MAGEB10: variants seen among roughly 807,000 people sequenced by gnomAD.
MAGEB10 encodes MAGE family member B10.
For missense variants in MAGEB10, 190 were observed against 261.9 expected, an observed-to-expected ratio of 0.73 and a Z score of 1.89; for synonymous variants, 99 against 101.0, an observed-to-expected ratio of 0.98 and a Z score of 0.12.
intron 1 of MAGEB10, chrX:27,812,315 A>T (rs1569211773): frequency 6.1e-6 from 1 of 162,996 alleles, no homozygotes; most frequent in East Asian, 1.7e-4. Flanking sequence ...TCCAGACGTA[A>T]AAGAGCCTCT....
At chrX:27,809,340 G>A (rs1891281884) in intron 1 of MAGEB10, among the ~76,000 whole-genome samples, 1 of 98,537 alleles carries the variant, frequency 1.0e-5, no homozygotes, top group Non-Finnish European at 2.1e-5. Flanking sequence ...GTGGGGCAGG[G>A]CTCAGGACCT....
chrX:27,821,366 A>C lies in MAGEB10; in HGVS notation c.60A>C (p.Gly20=). ...RAREKRRQAR[G]GLEDLIDALD... ...GGGAAAAACGCCGTCAGGCCCGAGGAGGGCTGGAAGATTTGATAGATGCTC... is the reference window on the plus strand; with the variant it reads ...GGGAAAAACGCCGTCAGGCCCGAGGCGGGCTGGAAGATTTGATAGATGCTC... Residue 20 remains glycine (G), a synonymous_variant, in exon 3 of 3, where the codon GGA becomes GGC. Coordinates refer to ENST00000356790, the MANE Select transcript of MAGEB10 (RefSeq NM_182506.3). The C allele has an allele frequency of 8.3e-7, 1 of 1,211,582 alleles. No homozygotes were observed. Among genetic ancestry groups the C allele is most frequent in the Non-Finnish European group, 1.1e-6 (1 of 895,379 alleles).
chrX:27,809,700 C>T (rs1366973978), intron 1 of MAGEB10, among the ~76,000 whole-genome samples: 2 of 91,939 alleles, frequency 2.2e-5, no homozygotes, highest in African/African-American at 8.0e-5. Flanking sequence ...GACTGGCAGG[C>T]AGCTCCACCT....
chrX:27,821,510 A>G lies in MAGEB10; in HGVS notation c.204A>G (p.Gln68=), dbSNP rs762707944. The G allele has an allele frequency of 2.5e-6, 3 of 1,209,232 alleles. No individual in the cohort carries two copies. Among genetic ancestry groups the G allele is most frequent in the Admixed American group, 4.4e-5 (2 of 45,673 alleles). ...ATCCCCATGGACTTCGGGAAGCCCA[A>G]TCCACCAGCACATCTGCTACAGCTG... The part of the protein sequence containing the change: ...SNNPHGLREA[Q]STSTSATAAS... Residue 68 remains glutamine, a synonymous_variant, in exon 3 of 3, where the codon CAA becomes CAG. Coordinates refer to ENST00000356790, the MANE Select transcript of MAGEB10 (RefSeq NM_182506.3).
At chrX:27,818,510 ACT>A (rs1365882623) in intron 2 of MAGEB10, among the ~76,000 whole-genome samples, 1 of 111,749 alleles carries the variant, frequency 8.9e-6, no homozygotes, top group African/African-American at 3.3e-5. Flanking sequence ...TACCTCACTG[ACT>A]CTGTAACTAA....
At chrX:27,820,198 C>G (rs1372667162) in intron 2 of MAGEB10, among the ~76,000 whole-genome samples, 4 of 111,990 alleles carry the variant, frequency 3.6e-5, no homozygotes, top group African/African-American at 1.3e-4. Context: ...GCTCTCAGCC[C>G]AGGGAGGTCC....
chrX:27,810,757 G>A lies in MAGEB10; in HGVS notation c.-199+2721G>A, dbSNP rs192522053. Among the ~76,000 whole-genome samples, 3 of 98,481 alleles carry A rather than the reference G, an allele frequency of 3.0e-5. No homozygotes were observed. The East Asian group carries it at 8.8e-4, about 29-fold the overall frequency. The allele number at this position is 98,481 out of a possible 115,157, so 85.5% of individuals were successfully genotyped here. A position where few individuals can be genotyped will look rare whatever the true frequency, so the allele number is the denominator to read the frequency against. ...ACCCAACAGAGTACCACTACTATGA[G>A]CCTTGGTAGCCTTTCAGCATGACTC... On this transcript the variant is annotated intron_variant, in intron 1 of 2. Transcript: ENST00000356790.
intron 1 of MAGEB10, among the ~76,000 whole-genome samples, chrX:27,809,628 G>A (rs754727239): frequency 1.6e-3 from 98 of 61,546 alleles, no homozygotes; most frequent in Non-Finnish European, 2.2e-3. Context: ...GCCGCCCCCC[G>A]CTCTGCGGTG....
Position 27,817,620 on chromosome X carries a change from G to C in MAGEB10, c.-132G>C, listed in dbSNP as rs906841010. The C allele has an allele frequency of 7.3e-5, 8 of 110,138 alleles. No individual in the cohort carries two copies. Among genetic ancestry groups the C allele is most frequent in the African/African-American group, 2.3e-4 (7 of 30,223 alleles). 9.1% of individuals were successfully genotyped at this position (110,138 alleles called of 1,213,427 possible). On this transcript the variant is annotated 5_prime_UTR_variant, in exon 2 of 3. Coordinates refer to ENST00000356790, the MANE Select transcript of MAGEB10 (RefSeq NM_182506.3). ...TGTGATCATAACTCAGTATAGCCTA[G>C]AACTCCTGAGCTCAAGCAATCCTCC... is the stretch of plus-strand genomic sequence containing the variant.
At position 27,817,875 on chromosome X, in the gene MAGEB10, T is replaced by C. The variant is rs182451848; in HGVS notation, c.-50+173T>C. 3.6e-5 allele frequency among the ~76,000 whole-genome samples: 4 copies of C among 111,592 alleles called. No individual in the cohort carries two copies. In the East Asian group the frequency reaches 1.1e-3, roughly 32 times the overall value. ...AGAAAACCTCAATTAGTGAAGGACATCAGGAAAACTGGGCACTGGAACAAT... is the reference window on the plus strand; with the variant it reads ...AGAAAACCTCAATTAGTGAAGGACACCAGGAAAACTGGGCACTGGAACAAT... On this transcript the variant is annotated intron_variant, in intron 2 of 2. Transcript: ENST00000356790.
At chrX:27,816,477 A>G (rs1923786149) in intron 1 of MAGEB10, among the ~76,000 whole-genome samples, 1 of 111,628 alleles carries the variant, frequency 9.0e-6, no homozygotes, top group Non-Finnish European at 1.9e-5. Flanking sequence ...CATTGCGCCT[A>G]AGGGCACCTG....
intron 2 of MAGEB10, among the ~76,000 whole-genome samples, chrX:27,819,632 A>G (rs957996350): frequency 3.6e-5 from 4 of 111,190 alleles, no homozygotes; most frequent in Non-Finnish European, 5.7e-5. Context: ...GGGAGGTGAC[A>G]GCATTGAACC....
rs188002778 is a variant in MAGEB10 at position 27,814,292 on chromosome X, G to A, written c.-198-3262G>A. Among the ~76,000 whole-genome samples, 629 of 110,972 alleles carry A rather than the reference G, an allele frequency of 5.7e-3. 3 individuals are homozygous for A. Among genetic ancestry groups the A allele is most frequent in the African/African-American group, 0.017 (528 of 30,445 alleles). ...CTTTAGTATCATTTGGCAAACTCAA[G>A]TGAGGGCTAGATTTTTGATGCGAGT... is the stretch of plus-strand genomic sequence containing the variant. On this transcript the variant is annotated intron_variant, in intron 1 of 2. Transcript: ENST00000356790.
chrX:27,819,323 C>T (rs1923841068), intron 2 of MAGEB10, among the ~76,000 whole-genome samples: 2 of 111,250 alleles, frequency 1.8e-5, no homozygotes, highest in Admixed American at 1.9e-4. Flanking sequence ...AGCTGCACCC[C>T]TGCTCTCAGC....
rs73538232 is a variant in MAGEB10, at chrX:27,821,425, C to A, written c.119C>A (p.Pro40His). ...DILEEEEESP[P>H]SASACLKDVF... Reference sequence around the variant, plus strand: ...TTAGAAGAGGAGGAAGAATCTCCCCCCTCTGCCTCTGCTTGTTTGAAGGAT... The same window carrying A: ...TTAGAAGAGGAGGAAGAATCTCCCCACTCTGCCTCTGCTTGTTTGAAGGAT... The change falls in exon 3 of 3, where the codon CCC becomes CAC. Residue 40 changes from proline (P) to histidine (H), a missense_variant. Pro to His is a moderately conservative substitution (Grantham distance 77, BLOSUM62 -2). Coordinates refer to ENST00000356790, the MANE Select transcript of MAGEB10 (RefSeq NM_182506.3). 6,825 of 1,209,215 alleles carry A rather than the reference C, an allele frequency of 5.6e-3. 265 individuals carry two copies. The African/African-American group carries it at 0.11, about 19-fold the overall frequency.
chrX:27,821,676 T>C lies in MAGEB10; in HGVS notation c.370T>C (p.Tyr124His). Residue 124 changes from tyrosine (Y) to histidine (H), a missense_variant, in exon 3 of 3, where the codon TAC becomes CAC. Transcript: ENST00000356790. ...KVIILVHYLL[Y>H]KYQMKEPITK... ...AATTATATTGGTGCATTACTTGCTG[T>C]ACAAGTACCAAATGAAAGAGCCCAT... 1.7e-6 allele frequency: 2 copies of C among 1,211,671 alleles called. No individual in the cohort carries two copies.
chrX:27,816,360 G>A (rs1050272041), intron 1 of MAGEB10, among the ~76,000 whole-genome samples: 9 of 112,141 alleles, frequency 8.0e-5, no homozygotes, highest in African/African-American at 2.9e-4. Flanking sequence ...GGTAGAATAT[G>A]TCTCTCTGGC....
intron 1 of MAGEB10, chrX:27,812,286 G>T: frequency 5.8e-6 from 1 of 173,669 alleles, no homozygotes; most frequent in Admixed American, 5.6e-5. Context: ...TACAAAGGCA[G>T]ATATGCTGAA....
At chrX:27,817,252 C>T (rs1347990411) in intron 1 of MAGEB10, among the ~76,000 whole-genome samples, 1 of 109,948 alleles carries the variant, frequency 9.1e-6, no homozygotes, top group Non-Finnish European at 1.9e-5. Context: ...CAATACACAA[C>T]TACTAATTCC....
Sources: gnomAD v4.1 joint callset for allele counts (sites outside exome capture counted in the v4.1 genomes callset) on GRCh38, gnomAD v4.1.1 for gene constraint, MANE v1.5 for transcripts, NCBI Gene and HGNC (gene_info 2026-07-23, HGNC 2026-07-21) for gene names.